The following AK8 variants were observed in gnomAD, a reference collection of about 807,000 sequenced individuals.
AK8 encodes the protein ATP-AMP transphosphorylase 8.
Under a neutral mutation model 54.6 loss-of-function variants are expected in AK8, and 44 were observed. That is an observed-to-expected ratio of 0.81 (90% CI 0.63 to 1.04). The LOEUF is 1.04. Ranked by LOEUF, AK8 falls within the 50% of genes least tolerant of loss-of-function variation. AK8 has a pLI of 0.00. For synonymous variants in AK8, 239 were observed against 245.6 expected, an observed-to-expected ratio of 0.97 and a Z score of 0.25; for missense variants, 555 against 613.6, an observed-to-expected ratio of 0.90 and a Z score of 1.01.
At position 132,863,736 on chromosome 9, in the gene AK8, G is replaced by C. The variant is rs1314642138; in HGVS notation, c.262C>G (p.Leu88Val). The part of the protein sequence containing the change: ...CKHLNSSLLT[L>V]ENLILNEFSY... ...AACTCATTTAAGATCAGGTTCTCCA[G>C]GGTGAGGAGACTGCTGTTCAGATGT... The change falls in exon 4 of 13, where the codon CTG becomes GTG. Residue 88 changes from leucine (L) to valine (V), a missense_variant. Physicochemically the swap from Leu to Val is conservative, Grantham distance 32 (BLOSUM62 1). Coordinates refer to ENST00000298545, the MANE Select transcript of AK8 (RefSeq NM_152572.3). 6.2e-7 allele frequency: 1 copy of C among 1,614,192 alleles called. No individual in the cohort carries two copies. The highest frequency in any genetic ancestry group is 1.7e-5 in the Admixed American group (1 of 60,024).
Position 132,779,168 on chromosome 9 carries a change from A to T in AK8, c.1121+13466T>A, listed in dbSNP as rs1016611602. On this transcript the variant is annotated intron_variant, in intron 11 of 12. Coordinates refer to ENST00000298545, the MANE Select transcript of AK8 (RefSeq NM_152572.3). ...ATGCAGCAAATACTCTTTGAGGGTC[A>T]TCCCTTCAATATTTGCCATCTTAGC... 8.0e-4 allele frequency among the ~76,000 whole-genome samples: 122 copies of T among 152,240 alleles called. 3 individuals carry two copies. Among genetic ancestry groups the T allele is most frequent in the Non-Finnish European group, 4.4e-4 (30 of 68,040 alleles).
chr9:132,833,261 C>T (rs759775319), intron 5 of AK8, among the ~76,000 whole-genome samples: 1 of 152,196 alleles, frequency 6.6e-6, no homozygotes, highest in African/African-American at 2.4e-5. Context: ...ATGGGCTGCA[C>T]GTTCACAGGG....
At chr9:132,805,286 G>C (rs544424667) in intron 10 of AK8, among the ~76,000 whole-genome samples, 90 of 152,206 alleles carry the variant, frequency 5.9e-4, no homozygotes, top group African/African-American at 2.1e-3. Context: ...GGTTGGGTTG[G>C]GTTTCTTTTT....
At chr9:132,728,904 C>CTTTT (rs61041585) in intron 11 of AK8, among the ~76,000 whole-genome samples, 1 of 147,222 alleles carries the variant, frequency 6.8e-6, no homozygotes. Flanking sequence ...TATATGAAAC[C>CTTTT]TTTTTTTTTT....
rs906350812 is a variant in AK8, at chr9:132,826,668, C to A, written c.757+186G>T. Among the ~76,000 whole-genome samples, 1 of 152,218 alleles carries A rather than the reference C, an allele frequency of 6.6e-6. No individual in the cohort carries two copies. Among genetic ancestry groups the A allele is most frequent in the South Asian group, 2.1e-4 (1 of 4,822 alleles). ...TAGCCCAGGGTCTCCAAGTGGGGTACCCCCAGGGGCTCTGCACACATGCAT... is the reference window on the plus strand; with the variant it reads ...TAGCCCAGGGTCTCCAAGTGGGGTAACCCCAGGGGCTCTGCACACATGCAT... On this transcript the variant is annotated intron_variant, in intron 8 of 12. Coordinates refer to ENST00000298545, the MANE Select transcript of AK8 (RefSeq NM_152572.3). This position sits in a 1 kb window ranked among gnomAD's most constrained non-coding sequence, Gnocchi z 4.5.
intron 9 of AK8, among the ~76,000 whole-genome samples, chr9:132,817,801 T>C (rs1841397578): frequency 6.6e-6 from 1 of 152,088 alleles, no homozygotes; most frequent in Non-Finnish European, 1.5e-5. Flanking sequence ...AGAAAAAAGA[T>C]TTCAGAAGAT....
intron 11 of AK8, among the ~76,000 whole-genome samples, chr9:132,739,101 T>C (rs1837248345): frequency 6.6e-6 from 1 of 151,552 alleles, no homozygotes; most frequent in Admixed American, 6.6e-5. Context: ...CAGGTAATAC[T>C]GTTTGATCCC....
chr9:132,877,833 T>G (rs1844198524), intron 1 of AK8: 1 of 562,068 alleles, frequency 1.8e-6, no homozygotes, highest in Non-Finnish European at 3.4e-6. Flanking sequence ...GACCACCTCT[T>G]GCAACCTGGC....
At chr9:132,823,845 G>A (rs1441994558) in intron 8 of AK8, among the ~76,000 whole-genome samples, 1 of 152,240 alleles carries the variant, frequency 6.6e-6, no homozygotes, top group Non-Finnish European at 1.5e-5. Context: ...GCCACATGGG[G>A]GCCCAGTGCC....
At chr9:132,765,297 A>AAAAAAG (rs1838677722) in intron 11 of AK8, among the ~76,000 whole-genome samples, 1 of 142,796 alleles carries the variant, frequency 7.0e-6, no homozygotes, top group Admixed American at 6.8e-5. Flanking sequence ...CATTTCAAAA[A>AAAAAAG]AAAAAAAAAA....
At chr9:132,856,235 G>A (rs113734055) in intron 4 of AK8, among the ~76,000 whole-genome samples, 2 of 152,298 alleles carry the variant, frequency 1.3e-5, no homozygotes, top group African/African-American at 4.8e-5. Context: ...CTGGGGGCGG[G>A]GGCCTCCTGG....
chr9:132,807,458 T>C (rs366255), intron 10 of AK8, among the ~76,000 whole-genome samples: 42,926 of 152,136 alleles, frequency 0.28, 6,211 homozygotes, highest in East Asian at 0.49. Flanking sequence ...GGACAAGATC[T>C]GCCTTTGGCT....
intron 11 of AK8, among the ~76,000 whole-genome samples, chr9:132,763,233 G>T (rs1271799094): frequency 1.3e-5 from 2 of 152,136 alleles, no homozygotes; most frequent in Admixed American, 6.5e-5. Context: ...AAATTTTAAA[G>T]AATTGATATC....
chr9:132,773,505 A>C (rs1470696063), intron 11 of AK8, among the ~76,000 whole-genome samples: 1 of 152,240 alleles, frequency 6.6e-6, no homozygotes, highest in Non-Finnish European at 1.5e-5. Context: ...CCAGAATGTA[A>C]GACACCTGAA....
intron 6 of AK8, 70 bp downstream of exon 6, chr9:132,828,575 G>A (rs1564425632): frequency 7.2e-7 from 1 of 1,385,304 alleles, no homozygotes; most frequent in African/African-American, 1.4e-5. Context: ...GGCAGCATGA[G>A]CGGGGCGCTC....
chr9:132,852,392 G>A (rs1842999243), intron 5 of AK8, among the ~76,000 whole-genome samples: 1 of 152,068 alleles, frequency 6.6e-6, no homozygotes, highest in African/African-American at 2.4e-5. Flanking sequence ...GGTGGATCAT[G>A]AGGTCAGGAG....
chr9:132,754,956 C>T (rs1217234903), intron 11 of AK8, among the ~76,000 whole-genome samples: 1 of 151,990 alleles, frequency 6.6e-6, no homozygotes, highest in Non-Finnish European at 1.5e-5. Flanking sequence ...TGTGCCACCA[C>T]GCCAGGCTAA....
intron 11 of AK8, among the ~76,000 whole-genome samples, chr9:132,739,441 CAAAAAAAAAAAAAAAAAAAAAA>C (rs768297504): frequency 5.1e-4 from 16 of 31,168 alleles, no homozygotes; most frequent in African/African-American, 1.9e-3. Context: ...GACTCTGTCT[CAAAAAAAAAAAAAAAAAAAAAA>C]AAAAAAAAAA....
chr9:132,766,159 T>C (rs1180191155), intron 11 of AK8, among the ~76,000 whole-genome samples: 1 of 152,250 alleles, frequency 6.6e-6, no homozygotes, highest in African/African-American at 2.4e-5. Flanking sequence ...TTGCTGAAGC[T>C]GGAGTGCAGT....
Sources: allele counts gnomAD v4.1 joint callset (sites outside exome capture counted in the v4.1 genomes callset), GRCh38; gene constraint gnomAD v4.1.1; non-coding constraint Gnocchi (gnomAD v3.1); transcripts MANE v1.5; gene names NCBI Gene and HGNC (gene_info 2026-07-23, HGNC 2026-07-21).